The following CA8 variants were observed in gnomAD, a reference collection of about 807,000 sequenced individuals.
CA8 encodes carbonic anhydrase-related protein.
CA8 carries 22 observed loss-of-function variants against 41.4 expected under a neutral mutation model. The observed-to-expected ratio is 0.53, with a 90% confidence interval of 0.38 to 0.76. The LOEUF (loss-of-function observed/expected upper bound fraction) is 0.76, where lower values mean the gene tolerates loss of function less well. Ranked by LOEUF, CA8 falls within the 30% of genes least tolerant of loss-of-function variation. The probability of loss-of-function intolerance (pLI) is 0.00; values close to 1 mark genes in which losing one functional copy is unlikely to be tolerated. For synonymous variants in CA8, 121 were observed against 130.6 expected (o/e 0.93, Z 0.50); for missense variants, 270 against 352.8 (o/e 0.77, Z 1.88).
chr8:60,243,270 G>A (rs1011379285), intron 3 of CA8, among the ~76,000 whole-genome samples: 2 of 152,000 alleles, frequency 1.3e-5, no homozygotes, highest in African/African-American at 4.8e-5. Flanking sequence ...CCTCCTGCCA[G>A]TCCTTCCTCC....
rs1240688334 is a variant in CA8 at position 60,186,984 on chromosome 8, C to A, written c.*3037G>T. Reference sequence around the variant, plus strand: ...AACACAACAGGCCAACACTATAGACCTAACAGCCATCTATCTATAGAACAC... The same window carrying A: ...AACACAACAGGCCAACACTATAGACATAACAGCCATCTATCTATAGAACAC... On this transcript the variant is annotated 3_prime_UTR_variant, in exon 9 of 9. Coordinates refer to ENST00000317995, the MANE Select transcript of CA8 (RefSeq NM_004056.6). 1.3e-5 allele frequency among the ~76,000 whole-genome samples: 2 copies of A among 151,930 alleles called. No individual in the cohort carries two copies. Among genetic ancestry groups the A allele is most frequent in the Non-Finnish European group, 2.9e-5 (2 of 67,902 alleles).
intron 3 of CA8, among the ~76,000 whole-genome samples, chr8:60,244,820 T>C (rs553832355): frequency 6.6e-6 from 1 of 152,346 alleles, no homozygotes; most frequent in African/African-American, 2.4e-5. Flanking sequence ...CACTGCTTAC[T>C]CAGGGTCTTT....
chr8:60,222,007 G>A (rs908936630), intron 7 of CA8, among the ~76,000 whole-genome samples: 1 of 152,138 alleles, frequency 6.6e-6, no homozygotes, highest in Non-Finnish European at 1.5e-5. Context: ...TGAAAGACAG[G>A]AGATATTTAA....
At chr8:60,242,591 G>A (rs7012364) in intron 3 of CA8, among the ~76,000 whole-genome samples, 2,189 of 152,268 alleles carry the variant, frequency 0.014, 56 homozygotes, top group African/African-American at 0.05. Context: ...GAGAATGTGT[G>A]ACCCAAGACA....
At chr8:60,256,113 T>C (rs1252285656) in intron 3 of CA8, among the ~76,000 whole-genome samples, 1 of 152,180 alleles carries the variant, frequency 6.6e-6, no homozygotes, top group African/African-American at 2.4e-5. Flanking sequence ...TTTCACCATG[T>C]TGGTCAGGCT....
chr8:60,247,243 G>T (rs1046866202), intron 3 of CA8, among the ~76,000 whole-genome samples: 3 of 151,998 alleles, frequency 2.0e-5, no homozygotes, highest in African/African-American at 7.3e-5. Context: ...TTAAGTTCCG[G>T]GATACATATG....
chr8:60,275,774 A>T (rs1482884280), intron 2 of CA8, among the ~76,000 whole-genome samples: 1 of 152,220 alleles, frequency 6.6e-6, no homozygotes, highest in Non-Finnish European at 1.5e-5. Flanking sequence ...AATCCCACCA[A>T]GGCATATGGT....
chr8:60,202,405 A>G (rs747019432), intron 8 of CA8, among the ~76,000 whole-genome samples: 11 of 151,950 alleles, frequency 7.2e-5, no homozygotes, highest in Non-Finnish European at 1.5e-4. Context: ...CATCTTGAAG[A>G]GTTGTTCTGA....
intron 2 of CA8, among the ~76,000 whole-genome samples, chr8:60,274,101 A>T (rs1370491297): frequency 6.6e-6 from 1 of 152,192 alleles, no homozygotes; most frequent in African/African-American, 2.4e-5. Context: ...GTTTTAGCAC[A>T]GTGGTGGTGT....
At chr8:60,257,303 A>C (rs143897249) in intron 3 of CA8, among the ~76,000 whole-genome samples, 109 of 152,252 alleles carry the variant, frequency 7.2e-4, no homozygotes, top group African/African-American at 2.5e-3. Flanking sequence ...CATCCCCCTC[A>C]GGATGTTTTG....
intron 3 of CA8, among the ~76,000 whole-genome samples, chr8:60,238,602 C>T (rs1405913650): frequency 6.6e-6 from 1 of 152,162 alleles, no homozygotes; most frequent in Non-Finnish European, 1.5e-5. Flanking sequence ...CTCCAGAGCT[C>T]ATCTAGACCT....
intron 4 of CA8, among the ~76,000 whole-genome samples, chr8:60,228,521 T>G (rs184671891): frequency 6.6e-6 from 1 of 152,220 alleles, no homozygotes; most frequent in African/African-American, 2.4e-5. Context: ...AATGTGGTGC[T>G]CAGGAACAGG....
At chr8:60,265,467 A>C (rs970872090) in intron 3 of CA8, 2 of 157,706 alleles carry the variant, frequency 1.3e-5, no homozygotes, top group East Asian at 3.7e-4. Flanking sequence ...ATCACTCTCA[A>C]AAAATCTCTC....
intron 8 of CA8, among the ~76,000 whole-genome samples, chr8:60,205,721 C>A (rs1228555344): frequency 6.6e-6 from 1 of 152,118 alleles, no homozygotes; most frequent in South Asian, 2.1e-4. Flanking sequence ...AATAATAAAG[C>A]TTGGTTATCA....
chr8:60,192,974 CA>C (rs1193377001), intron 8 of CA8, among the ~76,000 whole-genome samples: 17 of 151,032 alleles, frequency 1.1e-4, no homozygotes, highest in Non-Finnish European at 2.5e-4. Context: ...CACACACACA[CA>C]CCCCACCCCA....
chr8:60,191,850 A>G (rs1222290783), intron 8 of CA8, among the ~76,000 whole-genome samples: 1 of 152,176 alleles, frequency 6.6e-6, no homozygotes, highest in African/African-American at 2.4e-5. Context: ...AAGCCAAAGC[A>G]GAATTTAACA....
chr8:60,192,251 G>A lies in CA8; in HGVS notation c.*36-2266C>T, dbSNP rs114827044. ...TCTGGGGTATGGATTTGGAATGAGG[G>A]AGAACCAAGTCCAAATCCCAGCTCT... is the stretch of plus-strand genomic sequence containing the variant. On this transcript the variant is annotated intron_variant, in intron 8 of 8. Coordinates refer to ENST00000317995, the MANE Select transcript of CA8 (RefSeq NM_004056.6). 8.1e-3 allele frequency among the ~76,000 whole-genome samples: 1,234 copies of A among 152,162 alleles called. 11 individuals are homozygous for A. The highest frequency in any genetic ancestry group is 0.027 in the African/African-American group (1,103 of 41,504).
chr8:60,247,083 C>T (rs1313343144), intron 3 of CA8, among the ~76,000 whole-genome samples: 1 of 151,894 alleles, frequency 6.6e-6, no homozygotes, highest in Non-Finnish European at 1.5e-5. Flanking sequence ...CGGGGTTTCA[C>T]GGTGTTAGCC....
Position 60,267,672 on chromosome 8 carries a change from C to T in CA8, c.293-1623G>A, listed in dbSNP as rs1316921959. Among the ~76,000 whole-genome samples, 4 of 152,098 alleles carry T rather than the reference C, an allele frequency of 2.6e-5. No individual in the cohort carries two copies. The East Asian group carries it at 5.8e-4, about 22-fold the overall frequency. On this transcript the variant is annotated intron_variant, in intron 2 of 8. Coordinates refer to ENST00000317995, the MANE Select transcript of CA8 (RefSeq NM_004056.6). The stretch of plus-strand genomic sequence containing the variant: ...GGATCTGGAACTCAAATCTTCTGAC[C>T]CACATCCCAGGGTTGAGGCAGGGAT...
Sources: gnomAD v4.1 joint callset for allele counts (sites outside exome capture counted in the v4.1 genomes callset) on GRCh38, gnomAD v4.1.1 for gene constraint, MANE v1.5 for transcripts, NCBI Gene and HGNC (gene_info 2026-07-23, HGNC 2026-07-21) for gene names.